SRRT: variants seen among roughly 807,000 people sequenced by gnomAD.
SRRT encodes the protein serrate RNA effector molecule homolog.
Under a neutral mutation model 103.2 loss-of-function variants are expected in SRRT, and 32 were observed. The observed-to-expected ratio is 0.31, with a 90% CI of 0.23 to 0.42. The LOEUF (loss-of-function observed/expected upper bound fraction) is 0.42. Ranked by LOEUF, SRRT falls within the 10% of genes least tolerant of loss-of-function variation. SRRT has a pLI of 1.00. For synonymous variants in SRRT, 525 were observed against 449.0 expected (o/e 1.17, Z -2.14); for missense variants, 986 against 1,207.5 (o/e 0.82, Z 2.72).
rs549657395 is a variant in SRRT at position 100,883,996 on chromosome 7, C to T, written c.588-74C>T. The T allele has an allele frequency of 3.4e-6, 5 of 1,486,496 alleles. No homozygotes were observed. The African/African-American group carries it at 5.7e-5, about 17-fold the overall frequency. The allele number at this position is 1,486,496 out of a possible 1,614,324, so 92.1% of individuals were successfully genotyped here. On this transcript the variant is annotated intron_variant, in intron 5 of 19. Coordinates refer to ENST00000611405, the MANE Select transcript of SRRT (RefSeq NM_015908.6). The stretch of plus-strand genomic sequence containing the variant: ...GGAAGGGGGATATGCCCTGTCTTTC[C>T]TGGGCCCCTTCCCACATCCTGGCCT...
chr7:100,880,965 T>G (rs1290903670), intron 2 of SRRT, among the ~76,000 whole-genome samples: 1 of 152,168 alleles, frequency 6.6e-6, no homozygotes, highest in South Asian at 2.1e-4. Flanking sequence ...TTGCCCTGAC[T>G]AGAGAAAAAT....
Position 100,886,316 on chromosome 7 carries a change from A to G in SRRT, c.1528A>G (p.Ile510Val), listed in dbSNP as rs1343980434. 4.3e-6 allele frequency: 7 copies of G among 1,613,640 alleles called. No homozygotes were observed. Among genetic ancestry groups the G allele is most frequent in the African/African-American group, 1.3e-5 (1 of 74,898 alleles). The change falls in exon 13 of 20, where the codon ATC (isoleucine) becomes GTC (valine). Residue 510 changes from isoleucine to valine, a missense_variant. Coordinates refer to ENST00000611405, the MANE Select transcript of SRRT (RefSeq NM_015908.6). ...CCGGCGCGTTCGCAACATCAACGGC[A>G]TCACCCAGCACAAGCAGATTGTGCG... is the stretch of plus-strand genomic sequence containing the variant. ...LTRRVRNING[I>V]TQHKQIVRND...
Position 100,885,385 on chromosome 7 carries a change from G to T in SRRT, c.1317+15G>T. ...AGATCATCTCCGTGAGTGGGGACCC[G>T]TGGAGTCAGGGCAGGGCTGATGGAG... is the stretch of plus-strand genomic sequence containing the variant. On this transcript the variant is annotated intron_variant, in intron 10 of 19. Transcript: ENST00000611405. This position sits in a 1 kb window ranked among gnomAD's most constrained non-coding sequence, Gnocchi z 4.8. The T allele has an allele frequency of 6.2e-7, 1 of 1,609,730 alleles. No individual in the cohort carries two copies. Among genetic ancestry groups the T allele is most frequent in the Non-Finnish European group, 8.5e-7 (1 of 1,176,988 alleles).
At position 100,887,669 on chromosome 7, in the gene SRRT, T is replaced by C; in HGVS notation, c.2170-34T>C. 2 of 1,594,674 alleles carry C rather than the reference T, an allele frequency of 1.3e-6. No homozygotes were observed. The highest frequency in any genetic ancestry group is 1.7e-6 in the Non-Finnish European group (2 of 1,165,492). ...GCCTGGGAGCGAGGCAACCCTTATG[T>C]GGCTGTCCTGACCCCTCTCCTCTCT... On this transcript the variant is annotated intron_variant, in intron 16 of 19. Coordinates refer to ENST00000611405, the MANE Select transcript of SRRT (RefSeq NM_015908.6). The surrounding 1 kb of genome is among the most constrained non-coding windows in gnomAD (Gnocchi z 4.1).
At chr7:100,875,378 C>T (rs1815567908) in intron 1 of SRRT, 50 bp downstream of exon 1, 11 of 1,332,280 alleles carry the variant, frequency 8.3e-6, no homozygotes, top group Non-Finnish European at 1.1e-5. Context: ...GGAGAGGAAC[C>T]GGGGTCCACG....
In SRRT at chr7:100,887,692, T is replaced by A. The variant is rs1387152111; in HGVS notation, c.2170-11T>A. 1.2e-6 allele frequency: 2 copies of A among 1,601,654 alleles called. No homozygotes were observed. The highest frequency in any genetic ancestry group is 1.7e-6 in the Non-Finnish European group (2 of 1,169,716). On this transcript the variant is annotated splice_polypyrimidine_tract_variant and intron_variant, in intron 16 of 19. Transcript: ENST00000611405. This position sits in a 1 kb window ranked among gnomAD's most constrained non-coding sequence, Gnocchi z 4.1. ...TGTGGCTGTCCTGACCCCTCTCCTC[T>A]CTCCACCCAGGGTCCTGAGTTTGTG...
rs1815616412 is a variant in SRRT, at chr7:100,875,720, G to T, written c.122+8G>T. On this transcript the variant is annotated splice_region_variant and intron_variant, in intron 2 of 19. Transcript: ENST00000611405. ...GGACGATTGGAATGACAGGTGAGCC[G>T]TTTTTAACTTCATCTTGTCCCCGTT... 1 of 1,613,412 alleles carries T rather than the reference G, an allele frequency of 6.2e-7. No homozygotes were observed. Among genetic ancestry groups the T allele is most frequent in the Non-Finnish European group, 8.5e-7 (1 of 1,179,620 alleles).
Position 100,882,429 on chromosome 7 carries a change from CGCCCT to C in SRRT, c.587+190_587+194del. ...TCAGCAACTGCCACGGCCCCCGCCC[CGCCCT>C]GTCTCCTGTCCTGCTGTCCTCAGAG... On this transcript the variant is annotated intron_variant, in intron 5 of 19. Coordinates refer to ENST00000611405, the MANE Select transcript of SRRT (RefSeq NM_015908.6). This position sits in a 1 kb window ranked among gnomAD's most constrained non-coding sequence, Gnocchi z 4.2. The C allele has an allele frequency of 3.3e-6, 2 of 602,460 alleles. No homozygotes were observed. Among genetic ancestry groups the C allele is most frequent in the Non-Finnish European group, 5.7e-6 (2 of 352,262 alleles). 37.3% of individuals were successfully genotyped at this position (602,460 alleles called of 1,614,324 possible).
chr7:100,885,481 G>A lies in SRRT; in HGVS notation c.1317+111G>A. The A allele has an allele frequency of 7.8e-7, 1 of 1,285,956 alleles. No homozygotes were observed. Among genetic ancestry groups the A allele is most frequent in the Non-Finnish European group, 1.1e-6 (1 of 935,636 alleles). 79.7% of individuals were successfully genotyped at this position (1,285,956 alleles called of 1,614,324 possible). ...TGCCCCCGTTTCACCTGCTAGGGAG[G>A]CCCCTTCCCCAGGTTCCATGGCCTC... On this transcript the variant is annotated intron_variant, in intron 10 of 19. Coordinates refer to ENST00000611405, the MANE Select transcript of SRRT (RefSeq NM_015908.6). This position sits in a 1 kb window ranked among gnomAD's most constrained non-coding sequence, Gnocchi z 4.8.
intron 13 of SRRT, 166 bp downstream of exon 13, chr7:100,886,601 T>TG: frequency 2.1e-6 from 2 of 949,206 alleles, no homozygotes; most frequent in Non-Finnish European, 3.1e-6. Flanking sequence ...CCAGCAGAAC[T>TG]GGGGGGATGC....
chr7:100,879,339 A>G (rs559571163), intron 2 of SRRT, among the ~76,000 whole-genome samples: 49 of 152,052 alleles, frequency 3.2e-4, no homozygotes, highest in African/African-American at 8.7e-4. Flanking sequence ...GGCTCAAGCA[A>G]TCCACTGCTT....
chr7:100,879,036 C>T (rs1265254793), intron 2 of SRRT, among the ~76,000 whole-genome samples: 1 of 151,910 alleles, frequency 6.6e-6, no homozygotes, highest in Non-Finnish European at 1.5e-5. Flanking sequence ...CTCACTGTAA[C>T]CTCCATCTTC....
Position 100,887,201 on chromosome 7 carries a change from G to A in SRRT, c.1975+1G>A. 2 of 1,614,134 alleles carry A rather than the reference G, an allele frequency of 1.2e-6. No homozygotes were observed. Among genetic ancestry groups the A allele is most frequent in the Non-Finnish European group, 1.7e-6 (2 of 1,180,018 alleles). ...CCCAACCGCATCAGTCACGGGGAAGGTGAGCTCCAGGTTCCCCTTTGTTCC... is the reference window on the plus strand; with the variant it reads ...CCCAACCGCATCAGTCACGGGGAAGATGAGCTCCAGGTTCCCCTTTGTTCC... On this transcript the variant is annotated splice_donor_variant, in intron 15 of 19. Transcript: ENST00000611405. LOFTEE classifies it high-confidence loss of function. This position sits in a 1 kb window ranked among gnomAD's most constrained non-coding sequence, Gnocchi z 4.1.
intron 2 of SRRT, among the ~76,000 whole-genome samples, chr7:100,878,107 T>A (rs768049933): frequency 2.0e-5 from 3 of 152,096 alleles, no homozygotes; most frequent in Admixed American, 1.3e-4. Context: ...AGCCCAGGAA[T>A]TTGAGACCAA....
Position 100,877,165 on chromosome 7 carries a change from G to A in SRRT, c.122+1453G>A, listed in dbSNP as rs539713344. 1.6e-3 allele frequency among the ~76,000 whole-genome samples: 242 copies of A among 151,414 alleles called. 1 individual carries two copies. The highest frequency in any genetic ancestry group is 1.7e-3 in the Admixed American group (26 of 15,214). ...CAGCCGGGCCCAGTGGCTCACACCTGAAATCCCAGCACTTTGGGAGGCCGA... is the reference window on the plus strand; with the variant it reads ...CAGCCGGGCCCAGTGGCTCACACCTAAAATCCCAGCACTTTGGGAGGCCGA... On this transcript the variant is annotated intron_variant, in intron 2 of 19. Transcript: ENST00000611405.
chr7:100,881,327 T>A lies in SRRT; in HGVS notation c.165T>A (p.Tyr55Ter), dbSNP rs888741240. ...RGRERRSRGE[Y>*]RDYDRNRRER... ...GTGAGCGCCGTAGTCGGGGTGAATA[T>A]CGGGACTATGACCGGAATCGGCGAG... Residue 55 changes from tyrosine (Y) to a stop codon, truncating the protein, a stop_gained, in exon 3 of 20, where the codon TAT becomes TAA. Transcript: ENST00000611405. LOFTEE classifies it high-confidence loss of function. 3 of 1,613,682 alleles carry A rather than the reference T, an allele frequency of 1.9e-6. No homozygotes were observed. Among genetic ancestry groups the A allele is most frequent in the Non-Finnish European group, 2.5e-6 (3 of 1,179,820 alleles).
At chr7:100,880,569 T>G (rs1584739350) in intron 2 of SRRT, 1 of 241,534 alleles carries the variant, frequency 4.1e-6, no homozygotes, top group Non-Finnish European at 8.8e-6. Context: ...CCTCCCAGAG[T>G]GCTGGGATTA....
chr7:100,880,709 C>G (rs1816221056), intron 2 of SRRT: 3 of 433,298 alleles, frequency 6.9e-6, no homozygotes, highest in African/African-American at 2.0e-5. Flanking sequence ...CAGGGTCTCC[C>G]TCTGTCACCC....
In SRRT at chr7:100,887,751, A is replaced by C. The variant is rs762866557; in HGVS notation, c.2218A>C (p.Ile740Leu). ...KHIFNKHAEK[I>L]EEVKKEVAFF... is the part of the protein sequence containing the mutation. ...TATCTTCAACAAGCATGCAGAGAAAATTGAGGAAGTGAAAAAGGAAGTCGC... is the reference window on the plus strand; with the variant it reads ...TATCTTCAACAAGCATGCAGAGAAACTTGAGGAAGTGAAAAAGGAAGTCGC... The change falls in exon 17 of 20, where the codon ATT becomes CTT. Residue 740 changes from isoleucine to leucine, a missense_variant. Ile to Leu is a conservative substitution (Grantham distance 5, BLOSUM62 2). This residue lies in a region of SRRT where 178 missense variants were observed against 189.6 expected (regional missense o/e 0.94). Coordinates refer to ENST00000611405, the MANE Select transcript of SRRT (RefSeq NM_015908.6). This position sits in a 1 kb window ranked among gnomAD's most constrained non-coding sequence, Gnocchi z 4.1. 3.1e-6 allele frequency: 5 copies of C among 1,613,570 alleles called. No individual in the cohort carries two copies. The highest frequency in any genetic ancestry group is 4.2e-6 in the Non-Finnish European group (5 of 1,179,564).
Sources: gnomAD v4.1 joint callset for allele counts (sites outside exome capture counted in the v4.1 genomes callset) on GRCh38, gnomAD v4.1.1 for gene constraint, gnomAD v4.1.1 regional missense constraint, Gnocchi (gnomAD v3.1) non-coding constraint, MANE v1.5 for transcripts, NCBI Gene and HGNC (gene_info 2026-07-23, HGNC 2026-07-21) for gene names.